The following TEKT5 variants were observed in gnomAD, a reference collection of about 807,000 sequenced individuals.
TEKT5 encodes tektin 5.
A neutral mutation model predicts 48.7 loss-of-function variants in TEKT5; 52 were observed. The ratio of observed to expected loss-of-function variants is 1.07; its 90% CI spans 0.86 to 1.35. The LOEUF is 1.35. TEKT5 is among the 40% of genes most tolerant of loss of function. The pLI, the probability that TEKT5 is intolerant of heterozygous loss-of-function variation, is 0.00. For missense variants in TEKT5, 831 were observed against 641.6 expected, an observed-to-expected ratio of 1.30 and a Z score of -3.19; for synonymous variants, 318 against 267.6, an observed-to-expected ratio of 1.19 and a Z score of -1.84.
chr16:10,690,173 G>A, intron 1 of TEKT5, 148 bp from the exon 2 acceptor site: 1 of 720,814 alleles, frequency 1.4e-6, no homozygotes, highest in East Asian at 2.7e-5. Context: ...GGCATTGGAT[G>A]GGCTTCTGCC....
intron 4 of TEKT5, among the ~76,000 whole-genome samples, chr16:10,677,785 ACT>A (rs756588195): frequency 8.2e-6 from 1 of 122,260 alleles, no homozygotes; most frequent in African/African-American, 3.4e-5. Flanking sequence ...CCCCTCCCAC[ACT>A]CTGTCTTCTG....
Position 10,694,416 on chromosome 16 carries a change from G to A in TEKT5, c.458C>T (p.Ser153Leu), listed in dbSNP as rs746041879. Residue 153 changes from serine (S) to leucine (L), a missense_variant, in exon 1 of 7, where the codon TCA becomes TTA. Physicochemically the swap from Ser to Leu is moderately radical, Grantham distance 145. Coordinates refer to ENST00000283025, the MANE Select transcript of TEKT5 (RefSeq NM_144674.2). ...QRLSDIGFWK[S>L]ELSYELDRLL... is the part of the protein sequence containing the mutation. The stretch of plus-strand genomic sequence containing the variant: ...CCTGTCCAGCTCATAGCTCAGCTCT[G>A]ACTTCCAGAAGCCAATGTCCGACAG... 4 of 1,614,024 alleles carry A rather than the reference G, an allele frequency of 2.5e-6. No homozygotes were observed. Among genetic ancestry groups the A allele is most frequent in the Non-Finnish European group, 3.4e-6 (4 of 1,180,040 alleles).
intron 5 of TEKT5, among the ~76,000 whole-genome samples, chr16:10,662,188 G>A (rs1898384255): frequency 6.6e-6 from 1 of 152,168 alleles, no homozygotes; most frequent in African/African-American, 2.4e-5. Flanking sequence ...CTCACTGGAT[G>A]CCAATCATCA....
chr16:10,690,162 G>T, intron 1 of TEKT5, 137 bp from the exon 2 acceptor site: 1 of 801,018 alleles, frequency 1.2e-6, no homozygotes, highest in Non-Finnish European at 2.0e-6. Context: ...CCTCACTACT[G>T]GGCATTGGAT....
chr16:10,665,796 G>T (rs1003102811), intron 5 of TEKT5, among the ~76,000 whole-genome samples: 1 of 152,190 alleles, frequency 6.6e-6, no homozygotes, highest in African/African-American at 2.4e-5. Flanking sequence ...TCCTCCTGGT[G>T]CTAAGGTGGG....
Position 10,680,662 on chromosome 16 carries a change from T to C in TEKT5, c.863+1331A>G, listed in dbSNP as rs370740657. Among the ~76,000 whole-genome samples, 11 of 151,828 alleles carry C rather than the reference T, an allele frequency of 7.2e-5. No individual in the cohort carries two copies. The East Asian group carries it at 2.1e-3, about 29-fold the overall frequency. On this transcript the variant is annotated intron_variant, in intron 4 of 6. Coordinates refer to ENST00000283025, the MANE Select transcript of TEKT5 (RefSeq NM_144674.2). ...AAGAAAATGTGGCACATATACACCATGGAATACTATGCAGCCATAAAAAAT... is the reference window on the plus strand; with the variant it reads ...AAGAAAATGTGGCACATATACACCACGGAATACTATGCAGCCATAAAAAAT...
intron 1 of TEKT5, among the ~76,000 whole-genome samples, chr16:10,693,553 C>CCCTG (rs1404156818): frequency 6.6e-6 from 1 of 152,212 alleles, no homozygotes; most frequent in Non-Finnish European, 1.5e-5. Context: ...CATACAGGTG[C>CCCTG]CCTGCACTGA....
intron 1 of TEKT5, among the ~76,000 whole-genome samples, chr16:10,691,038 A>G (rs1270792536): frequency 6.6e-6 from 1 of 152,180 alleles, no homozygotes; most frequent in Non-Finnish European, 1.5e-5. Context: ...GGGAGAGAAC[A>G]CCCATAAGAA....
intron 3 of TEKT5, 132 bp downstream of exon 3, chr16:10,689,121 C>G (rs968117716): frequency 1.2e-4 from 74 of 599,870 alleles, no homozygotes; most frequent in Middle Eastern, 2.6e-4. Context: ...GGTTGTTGAA[C>G]ATTTACCAGC....
chr16:10,684,840 C>T (rs1354488948), intron 3 of TEKT5, among the ~76,000 whole-genome samples: 1 of 152,190 alleles, frequency 6.6e-6, no homozygotes, highest in African/African-American at 2.4e-5. Flanking sequence ...GGCTCCTTCT[C>T]TATCAGGAAG....
At chr16:10,682,947 C>T (rs548528325) in intron 3 of TEKT5, among the ~76,000 whole-genome samples, 4 of 152,078 alleles carry the variant, frequency 2.6e-5, no homozygotes, top group African/African-American at 4.8e-5. Context: ...TGCTGGGCAC[C>T]GAGGGATGAG....
rs754419090 is a variant in TEKT5 at position 10,694,650 on chromosome 16, G to C, written c.224C>G (p.Pro75Arg). ...PDESTSTLRP[P>R]TILPTLRSAL... is the part of the protein sequence containing the mutation. ...GGAGCGCAGTGTGGGCAGGATGGTGGGCGGCCGCAGGGTACTGGTGCTCTC... is the reference window on the plus strand; with the variant it reads ...GGAGCGCAGTGTGGGCAGGATGGTGCGCGGCCGCAGGGTACTGGTGCTCTC... The change falls in exon 1 of 7, where the codon CCC (proline) becomes CGC (arginine). Residue 75 changes from proline to arginine, a missense_variant. Pro to Arg is a moderately radical substitution (Grantham distance 103). Transcript: ENST00000283025. 8.1e-6 allele frequency: 13 copies of C among 1,613,064 alleles called. No individual in the cohort carries two copies. Among genetic ancestry groups the C allele is most frequent in the Non-Finnish European group, 1.0e-5 (12 of 1,179,432 alleles).
At chr16:10,656,988 C>G (rs1309679907) in intron 5 of TEKT5, among the ~76,000 whole-genome samples, 18 of 152,308 alleles carry the variant, frequency 1.2e-4, no homozygotes, top group Non-Finnish European at 7.4e-5. Context: ...ATCCTCCCAC[C>G]ACAGCCTCTC....
chr16:10,645,422 G>A (rs1304028762), intron 5 of TEKT5, among the ~76,000 whole-genome samples: 1 of 152,074 alleles, frequency 6.6e-6, no homozygotes, highest in Non-Finnish European at 1.5e-5. Flanking sequence ...TGAGGTGGGA[G>A]GACTGCCTGA....
chr16:10,692,915 T>G (rs1460036756), intron 1 of TEKT5: 1 of 152,234 alleles, frequency 6.6e-6, no homozygotes, highest in Non-Finnish European at 1.5e-5. Context: ...CCGCCTGATC[T>G]GTCTCCCTCT....
At chr16:10,689,435 A>G (rs974045429) in intron 2 of TEKT5, 112 bp from the exon 3 acceptor site, 2 of 909,216 alleles carry the variant, frequency 2.2e-6, no homozygotes, top group South Asian at 1.5e-5. Context: ...CCTCGACCCC[A>G]GGAGGTGAAA....
intron 5 of TEKT5, among the ~76,000 whole-genome samples, chr16:10,636,690 C>CGTGTGTGTGTGTGT (rs34623422): frequency 2.8e-5 from 4 of 145,182 alleles, no homozygotes; most frequent in African/African-American, 1.0e-4. Context: ...TACATACATA[C>CGTGTGTGTGTGTGT]GTGTGTGTGT....
At chr16:10,693,943 T>A (rs559143333) in intron 1 of TEKT5, among the ~76,000 whole-genome samples, 4 of 152,218 alleles carry the variant, frequency 2.6e-5, no homozygotes, top group Admixed American at 2.6e-4. Context: ...GCACTCCAGC[T>A]TGGGTGACAG....
Position 10,676,065 on chromosome 16 carries a change from A to G in TEKT5, c.980T>C (p.Leu327Ser). ...REEAEHLFET[L>S]SDQMWRQFTD... ...GAACTGCCTCCACATCTGATCCGAC[A>G]AGGTCTCAAAGAGGTGCTCCGCCTC... The change falls in exon 5 of 7, where the codon TTG becomes TCG. Residue 327 changes from leucine (L) to serine (S), a missense_variant. Coordinates refer to ENST00000283025, the MANE Select transcript of TEKT5 (RefSeq NM_144674.2). 2 of 1,614,214 alleles carry G rather than the reference A, an allele frequency of 1.2e-6. No homozygotes were observed. The highest frequency in any genetic ancestry group is 1.7e-6 in the Non-Finnish European group (2 of 1,180,042).
Sources: gnomAD v4.1 joint callset for allele counts (sites outside exome capture counted in the v4.1 genomes callset) on GRCh38, gnomAD v4.1.1 for gene constraint, MANE v1.5 for transcripts, NCBI Gene and HGNC (gene_info 2026-07-23, HGNC 2026-07-21) for gene names.